ZFAND3: variants seen among roughly 807,000 people sequenced by gnomAD.
The protein encoded by ZFAND3 is AN1-type zinc finger protein 3.
ZFAND3 carries 10 observed loss-of-function variants against 29.6 expected under a neutral mutation model. That is an observed-to-expected ratio of 0.34 (90% confidence interval 0.21 to 0.57). ZFAND3 has a LOEUF of 0.57. Ranked by LOEUF, ZFAND3 falls within the 20% of genes least tolerant of loss-of-function variation. The probability of loss-of-function intolerance (pLI) is 0.86; values close to 1 mark genes in which losing one functional copy is unlikely to be tolerated. For missense variants in ZFAND3, 230 were observed against 304.5 expected (o/e 0.76, Z 1.82); for synonymous variants, 128 against 112.6 (o/e 1.14, Z -0.87).
At chr6:37,923,330 A>G (rs1229851329) in intron 1 of ZFAND3, among the ~76,000 whole-genome samples, 1 of 152,132 alleles carries the variant, frequency 6.6e-6, no homozygotes, top group Non-Finnish European at 1.5e-5. Flanking sequence ...GCACACAATT[A>G]TCCTAGGCCT....
Position 38,002,633 on chromosome 6 carries a change from G to C in ZFAND3, c.113-58960G>C, listed in dbSNP as rs564540800. On this transcript the variant is annotated intron_variant, in intron 2 of 5. Transcript: ENST00000287218. ...TGGAGGTTGCAATTGCCACTGCACT[G>C]CAGCCTGGGTGAAAGAGTGAGACCC... Among the ~76,000 whole-genome samples the C allele has an allele frequency of 1.3e-3, 196 of 152,104 alleles. 1 individual carries two copies. Among genetic ancestry groups the C allele is most frequent in the African/African-American group, 4.6e-3 (190 of 41,496 alleles).
intron 2 of ZFAND3, among the ~76,000 whole-genome samples, chr6:37,986,542 T>A (rs1488564484): frequency 6.6e-6 from 1 of 152,204 alleles, no homozygotes; most frequent in Non-Finnish European, 1.5e-5. Context: ...TTGGTTTTTT[T>A]ATCCTTAGTT....
chr6:38,106,630 T>C (rs983435180), intron 4 of ZFAND3, among the ~76,000 whole-genome samples: 3 of 152,216 alleles, frequency 2.0e-5, no homozygotes. Context: ...TCACTTTTAC[T>C]TTGTGTGTTC....
At chr6:37,950,033 T>C (rs1761968665) in intron 2 of ZFAND3, among the ~76,000 whole-genome samples, 1 of 152,196 alleles carries the variant, frequency 6.6e-6, no homozygotes, top group Admixed American at 6.5e-5. Context: ...ATGTTGGACC[T>C]TTGTTGGGTG....
intron 3 of ZFAND3, among the ~76,000 whole-genome samples, chr6:38,080,081 T>G (rs1467303276): frequency 1.3e-5 from 2 of 150,888 alleles, no homozygotes; most frequent in African/African-American, 4.9e-5. Flanking sequence ...CCACATGTTC[T>G]CACTCATAAA....
intron 3 of ZFAND3, among the ~76,000 whole-genome samples, chr6:38,074,243 T>C (rs980431484): frequency 4.6e-5 from 7 of 152,218 alleles, no homozygotes; most frequent in Non-Finnish European, 7.3e-5. Context: ...AATACAGATA[T>C]AGACATGAAA....
intron 4 of ZFAND3, among the ~76,000 whole-genome samples, chr6:38,114,730 A>G (rs960091528): frequency 1.3e-5 from 2 of 152,194 alleles, no homozygotes; most frequent in Non-Finnish European, 2.9e-5. Context: ...AGGAAAGGGC[A>G]TACAGACAGC....
intron 4 of ZFAND3, among the ~76,000 whole-genome samples, chr6:38,106,809 C>G (rs996579038): frequency 6.6e-6 from 1 of 152,172 alleles, no homozygotes; most frequent in Admixed American, 6.5e-5. Flanking sequence ...GTCTGTTGCA[C>G]AGTAGGCACT....
In ZFAND3 at chr6:37,914,672, C is replaced by CTTTTTTTTTTTTTTTTTTTTTT. The variant is rs71542148; in HGVS notation, c.72-15277_72-15276insTTTTTTTTTTTTTTTTTTTTTT. ...TTTCTTTCTTTCTTTCTTTTTTTTT[C>CTTTTTTTTTTTTTTTTTTTTTT]TTTTTTTTTTAGTGGAGACGGGGTT... On this transcript the variant is annotated intron_variant, in intron 1 of 5. Transcript: ENST00000287218. Among the ~76,000 whole-genome samples, 118 of 114,158 alleles carry CTTTTTTTTTTTTTTTTTTTTTT rather than the reference C, an allele frequency of 1.0e-3. 4 individuals are homozygous for CTTTTTTTTTTTTTTTTTTTTTT. Among genetic ancestry groups the CTTTTTTTTTTTTTTTTTTTTTT allele is most frequent in the African/African-American group, 1.5e-3 (42 of 28,004 alleles). 74.9% of individuals were successfully genotyped at this position (114,158 alleles called of 152,430 possible). A position where few individuals can be genotyped will look rare whatever the true frequency, so the allele number is the denominator to read the frequency against.
intron 2 of ZFAND3, among the ~76,000 whole-genome samples, chr6:38,021,589 C>T (rs557455942): frequency 4.7e-4 from 71 of 152,300 alleles, no homozygotes; most frequent in African/African-American, 1.6e-3. Flanking sequence ...AAATTTTCTT[C>T]CTCTTTTCAT....
chr6:38,046,214 T>A (rs1298127836), intron 2 of ZFAND3, among the ~76,000 whole-genome samples: 1 of 152,208 alleles, frequency 6.6e-6, no homozygotes, highest in African/African-American at 2.4e-5. Context: ...GGATTTTTGA[T>A]CTATAAGACT....
In ZFAND3 at chr6:38,003,467, T is replaced by G. The variant is rs959435299; in HGVS notation, c.113-58126T>G. Among the ~76,000 whole-genome samples the G allele has an allele frequency of 3.3e-5, 5 of 152,084 alleles. No homozygotes were observed. In the South Asian group the frequency reaches 1.0e-3, roughly 32 times the overall value. On this transcript the variant is annotated intron_variant, in intron 2 of 5. Coordinates refer to ENST00000287218, the MANE Select transcript of ZFAND3 (RefSeq NM_021943.3). ...ATAAATGCAATTAATGAAATATGAG[T>G]AAATGAACCTTTAGTATTAAAAACC... is the stretch of plus-strand genomic sequence containing the variant.
chr6:38,002,290 T>A (rs547140955), intron 2 of ZFAND3, among the ~76,000 whole-genome samples: 1 of 151,414 alleles, frequency 6.6e-6, no homozygotes, highest in African/African-American at 2.4e-5. Context: ...CTTTTCTTTT[T>A]TTTTTTTTTT....
intron 2 of ZFAND3, among the ~76,000 whole-genome samples, chr6:37,953,992 G>A (rs1762043987): frequency 6.6e-6 from 1 of 152,030 alleles, no homozygotes; most frequent in East Asian, 1.9e-4. Context: ...TATTTTCACT[G>A]GGTATAGAAT....
chr6:37,895,529 TG>T (rs199761391), intron 1 of ZFAND3, among the ~76,000 whole-genome samples: 3,807 of 148,522 alleles, frequency 0.026, 140 homozygotes, highest in African/African-American at 0.076. Flanking sequence ...TTTTTTTTTT[TG>T]ATTTAGTACA....
At chr6:38,063,765 A>C (rs1764288513) in intron 3 of ZFAND3, among the ~76,000 whole-genome samples, 1 of 152,228 alleles carries the variant, frequency 6.6e-6, no homozygotes, top group African/African-American at 2.4e-5. Context: ...CAGCTAAGCT[A>C]TTTGGACTTG....
At chr6:37,965,257 T>C (rs902940152) in intron 2 of ZFAND3, among the ~76,000 whole-genome samples, 1 of 152,224 alleles carries the variant, frequency 6.6e-6, no homozygotes, top group African/African-American at 2.4e-5. Flanking sequence ...TTTAGACCAG[T>C]AACTACTTAT....
intron 1 of ZFAND3, among the ~76,000 whole-genome samples, chr6:37,879,241 G>A (rs1307200955): frequency 6.6e-6 from 1 of 152,210 alleles, no homozygotes; most frequent in East Asian, 1.9e-4. Flanking sequence ...ATCTTTGTAT[G>A]TGATGGGATG....
chr6:37,897,524 T>C (rs35849984), intron 1 of ZFAND3, among the ~76,000 whole-genome samples: 30,042 of 152,174 alleles, frequency 0.2, 3,790 homozygotes, highest in African/African-American at 0.35. Context: ...TTCAAGAGTA[T>C]ATAGATGAGA....
Sources: gnomAD v4.1 joint callset for allele counts (sites outside exome capture counted in the v4.1 genomes callset) on GRCh38, gnomAD v4.1.1 for gene constraint, MANE v1.5 for transcripts, NCBI Gene and HGNC (gene_info 2026-07-23, HGNC 2026-07-21) for gene names.